ATG16L2: variants seen among roughly 807,000 people sequenced by gnomAD.
ATG16L2 encodes the protein autophagy related 16 like 2, also known as protein Atg16l2.
In ATG16L2, 77 loss-of-function variants were observed where a neutral mutation model predicts 84.7. The ratio of observed to expected loss-of-function variants is 0.91; its 90% CI spans 0.76 to 1.10. ATG16L2 has a LOEUF of 1.10. Ranked by LOEUF, ATG16L2 falls within the 50% of genes least tolerant of loss-of-function variation. The pLI is 0.00. For synonymous variants in ATG16L2, 361 were observed against 342.8 expected, an observed-to-expected ratio of 1.05 and a Z score of -0.59; for missense variants, 782 against 817.6, an observed-to-expected ratio of 0.96 and a Z score of 0.53.
Position 72,822,657 on chromosome 11 carries a change from T to C in ATG16L2, c.710+114T>C, listed in dbSNP as rs1309464985. ...GCACAGCCCCGTCCTGAGGCCCCCA[T>C]GTGGTCGGAGCCCACGAGACACCTG... On this transcript the variant is annotated intron_variant, in intron 6 of 17. Coordinates refer to ENST00000321297, the MANE Select transcript of ATG16L2 (RefSeq NM_033388.2). This position sits in a 1 kb window ranked among gnomAD's most constrained non-coding sequence, Gnocchi z 4.2. The C allele has an allele frequency of 5.0e-6, 7 of 1,411,772 alleles. No homozygotes were observed. Among genetic ancestry groups the C allele is most frequent in the Non-Finnish European group, 6.7e-6 (7 of 1,037,164 alleles). 87.5% of individuals were successfully genotyped at this position (1,411,772 alleles called of 1,614,324 possible).
intron 3 of ATG16L2, 98 bp from the exon 4 acceptor site, chr11:72,821,570 G>A (rs1407968079): frequency 1.3e-6 from 2 of 1,491,452 alleles, no homozygotes; most frequent in East Asian, 2.5e-5. Flanking sequence ...GAAGGGGGCG[G>A]GCAGGTGAGC....
At chr11:72,842,219 C>T (rs975169089) in intron 5 of ATG16L2, among the ~76,000 whole-genome samples, 2 of 152,096 alleles carry the variant, frequency 1.3e-5, no homozygotes, top group African/African-American at 4.8e-5. Context: ...ACTGGCAGGA[C>T]CTGGACTAGG....
rs757395430 is a variant in ATG16L2, at chr11:72,828,999, C to T, written c.1772+15C>T. 6.2e-6 allele frequency: 10 copies of T among 1,610,826 alleles called. No homozygotes were observed. In the Admixed American group the frequency reaches 8.3e-5, roughly 13 times the overall value. Reference sequence around the variant, plus strand: ...GGACCCCATTGGTGAGCATGGCCTCCACCTGGCCACCTGCCTGGCCCCAGT... The same window carrying T: ...GGACCCCATTGGTGAGCATGGCCTCTACCTGGCCACCTGCCTGGCCCCAGT... On this transcript the variant is annotated intron_variant, in intron 17 of 17. Transcript: ENST00000321297.
At chr11:72,829,208 G>A (rs1860536173) in intron 17 of ATG16L2, 95 bp from the exon 18 acceptor site, 3 of 1,351,958 alleles carry the variant, frequency 2.2e-6, no homozygotes, top group Non-Finnish European at 2.1e-6. Flanking sequence ...CTCAAGAGAG[G>A]GCCTCAAACT....
In ATG16L2 at chr11:72,822,273, C is replaced by G. The variant is rs779108506; in HGVS notation, c.622C>G (p.Leu208Val). 6.9e-5 allele frequency: 104 copies of G among 1,508,068 alleles called. No individual in the cohort carries two copies. Among genetic ancestry groups the G allele is most frequent in the Non-Finnish European group, 8.6e-5 (98 of 1,137,800 alleles). The allele number at this position is 1,508,068 out of a possible 1,614,324, so 93.4% of individuals were successfully genotyped here. A position where few individuals can be genotyped will look rare whatever the true frequency, so the allele number is the denominator to read the frequency against. The change falls in exon 5 of 18, where the codon CTG becomes GTG. Residue 208 changes from leucine (L) to valine (V), a missense_variant. Coordinates refer to ENST00000321297, the MANE Select transcript of ATG16L2 (RefSeq NM_033388.2). This position sits in a 1 kb window ranked among gnomAD's most constrained non-coding sequence, Gnocchi z 4.2. ...RKARAAAERN[L>V]RNERRERAKQ... ...GGCGCGCGCCGCGGCCGAGCGCAAC[C>G]TGCGCAACGAGCGCCGGGAGCGGTG... is the stretch of plus-strand genomic sequence containing the variant.
downstream of ATG16L2, among the ~76,000 whole-genome samples, chr11:72,832,087 G>A (rs1860618618): frequency 6.6e-6 from 1 of 152,178 alleles, no homozygotes; most frequent in Non-Finnish European, 1.5e-5. Context: ...TTGAAGTGAG[G>A]GACATGCAGG....
intron 14 of ATG16L2, among the ~76,000 whole-genome samples, 178 bp downstream of exon 14, chr11:72,827,471 G>C (rs1860430941): frequency 1.3e-5 from 2 of 152,234 alleles, no homozygotes; most frequent in Non-Finnish European, 2.9e-5. Flanking sequence ...GCAGGAAGCT[G>C]TGCCACTGTC....
intron 5 of ATG16L2, chr11:72,841,340 CAA>C (rs59748827): frequency 0.097 from 34,784 of 358,888 alleles, 10 homozygotes; most frequent in South Asian, 0.11. Flanking sequence ...ACTCTGTCTC[CAA>C]AAAAAAAAAA....
intron 3 of ATG16L2, among the ~76,000 whole-genome samples, chr11:72,819,621 T>A (rs1245122840): frequency 6.6e-6 from 1 of 152,216 alleles, no homozygotes; most frequent in Admixed American, 6.5e-5. Context: ...CGCTCATCTC[T>A]GAGCTCCCAG....
intron 5 of ATG16L2, chr11:72,838,983 T>C (rs1860820081): frequency 1.1e-6 from 1 of 897,332 alleles, no homozygotes. Flanking sequence ...ACCCTAGGGG[T>C]CTCAGAAATG....
In ATG16L2 at chr11:72,839,688, T is replaced by C. The variant is rs563052633; in HGVS notation, c.*22-2929T>C. On this transcript the variant is annotated intron_variant, in intron 5 of 5. Coordinates refer to the ATG16L2 transcript ENST00000534905. ...TAGGCAATATGGGAGAAGGAACATG[T>C]CTGGAAGGGAACATAACTCATTTTT... Among the ~76,000 whole-genome samples the C allele has an allele frequency of 2.4e-4, 37 of 152,262 alleles. 1 individual carries two copies. The South Asian group carries it at 7.5e-3, about 31-fold the overall frequency.
In ATG16L2 at chr11:72,821,753, G is replaced by A. The variant is rs777243635; in HGVS notation, c.392+12G>A. The A allele has an allele frequency of 6.5e-7, 1 of 1,534,708 alleles. No homozygotes were observed. The highest frequency in any genetic ancestry group is 8.7e-7 in the Non-Finnish European group (1 of 1,145,644). On this transcript the variant is annotated intron_variant, in intron 4 of 17. Transcript: ENST00000321297. ...CAGAGGCAAAGCAGGTGAGGCGCGG[G>A]CGGGGGCGGGAGGGACCGCGCCCAC...
intron 3 of ATG16L2, 85 bp from the exon 4 acceptor site, chr11:72,821,583 C>T (rs774412932): frequency 4.0e-6 from 6 of 1,495,204 alleles, no homozygotes; most frequent in East Asian, 2.5e-5. Flanking sequence ...AGGTGAGCAG[C>T]CGACTCCCTT....
intron 9 of ATG16L2, 104 bp downstream of exon 9, chr11:72,824,946 G>A (rs1005873310): frequency 4.2e-6 from 4 of 943,644 alleles, no homozygotes; most frequent in Middle Eastern, 2.7e-4. Flanking sequence ...GGGAAGCAAG[G>A]CTGGGCTCCT....
intron 5 of ATG16L2, chr11:72,837,083 C>G (rs766223788): frequency 7.9e-5 from 12 of 152,106 alleles, no homozygotes; most frequent in Non-Finnish European, 1.2e-4. Context: ...AAGAACTGCT[C>G]TATTTAATAA....
In ATG16L2 at chr11:72,841,510, T is replaced by C. The variant is rs766715895; in HGVS notation, c.*22-1107T>C. ...GGAGCTCCTCTTATCTGGGCTGGGGTAGGGGCTGCTGGGAGGCTGGTCGTA... is the reference window on the plus strand; with the variant it reads ...GGAGCTCCTCTTATCTGGGCTGGGGCAGGGGCTGCTGGGAGGCTGGTCGTA... On this transcript the variant is annotated intron_variant, in intron 5 of 5. Coordinates refer to the ATG16L2 transcript ENST00000534905. 7.5e-6 allele frequency: 12 copies of C among 1,610,460 alleles called. No individual in the cohort carries two copies. In the East Asian group the frequency reaches 2.5e-4, roughly 33 times the overall value.
chr11:72,843,233 G>A (rs776618079), exon 6 of ATG16L2: 13 of 1,613,882 alleles, frequency 8.1e-6, no homozygotes, highest in African/African-American at 1.3e-5. Context: ...TGTCCAAAGC[G>A]GCCAGGGACT....
chr11:72,816,870 T>A, intron 2 of ATG16L2, 43 bp downstream of exon 2: 3 of 1,450,838 alleles, frequency 2.1e-6, no homozygotes, highest in Non-Finnish European at 2.9e-6. Flanking sequence ...CTGCCTGTGC[T>A]GGGGCCCTGC....
At chr11:72,843,143 G>C in exon 6 of ATG16L2, 1 of 1,613,524 alleles carries the variant, frequency 6.2e-7, no homozygotes, top group Non-Finnish European at 8.5e-7. Flanking sequence ...CCTTGTTTCA[G>C]TCTTTACCAC....
Sources: allele counts gnomAD v4.1 joint callset (sites outside exome capture counted in the v4.1 genomes callset), GRCh38; gene constraint gnomAD v4.1.1; non-coding constraint Gnocchi (gnomAD v3.1); transcripts MANE v1.5; gene names NCBI Gene and HGNC (gene_info 2026-07-23, HGNC 2026-07-21).